The following LRRC61 variants were observed in gnomAD, a reference collection of about 807,000 sequenced individuals.
LRRC61 encodes leucine-rich repeat-containing protein 61.
A neutral mutation model predicts 15.1 loss-of-function variants in LRRC61; 9 were observed. The ratio of observed to expected loss-of-function variants is 0.60; its 90% CI spans 0.36 to 1.04. The LOEUF is 1.04. Ranked by LOEUF, LRRC61 falls within the 50% of genes least tolerant of loss-of-function variation. LRRC61 has a pLI of 0.01. For synonymous variants in LRRC61, 173 were observed against 158.6 expected, an observed-to-expected ratio of 1.09 and a Z score of -0.68; for missense variants, 344 against 335.6, an observed-to-expected ratio of 1.03 and a Z score of -0.20.
the LRRC61 span, among the ~76,000 whole-genome samples, chr7:150,315,169 GTGA>G: frequency 6.7e-6 from 1 of 148,890 alleles, no homozygotes; most frequent in Non-Finnish European, 1.5e-5. Flanking sequence ...ATACATACAA[GTGA>G]TGAAGTAGGC....
chr7:150,337,729 A>G lies in LRRC61; in HGVS notation c.*88A>G. 7.4e-7 allele frequency: 1 copy of G among 1,355,830 alleles called. No individual in the cohort carries two copies. Among genetic ancestry groups the G allele is most frequent in the South Asian group, 1.5e-5 (1 of 67,762 alleles). 84.0% of individuals were successfully genotyped at this position (1,355,830 alleles called of 1,614,324 possible). ...CCCCCACACTCGTCTTAGTTGCTTC[A>G]CACTGGTCACTGGCCCTGCACACTG... On this transcript the variant is annotated 3_prime_UTR_variant, in exon 3 of 3. Transcript: ENST00000359623.
At chr7:150,334,044 G>C (rs13234482) in intron 2 of LRRC61, 1 of 985,248 alleles carries the variant, frequency 1.0e-6, no homozygotes, top group Non-Finnish European at 1.2e-6. Flanking sequence ...TTTCTGTCCC[G>C]GTGGGGTCTT....
chr7:150,337,165 C>G lies in LRRC61; in HGVS notation c.304C>G (p.Leu102Val). Residue 102 changes from leucine to valine, a missense_variant, in exon 3 of 3, where the codon CTC (leucine) becomes GTC (valine). Coordinates refer to ENST00000359623, the MANE Select transcript of LRRC61 (RefSeq NM_001142928.2). ...PLATCENLQS[L>V]NAAGNLLATP... ...GGCCACCTGTGAGAACTTGCAGAGT[C>G]TCAATGCCGCAGGCAACCTACTGGC... The G allele has an allele frequency of 6.2e-7, 1 of 1,610,126 alleles. No homozygotes were observed. The highest frequency in any genetic ancestry group is 1.1e-5 in the South Asian group (1 of 91,084).
At chr7:150,334,111 C>T in intron 2 of LRRC61, 1 of 985,294 alleles carries the variant, frequency 1.0e-6, no homozygotes, top group Non-Finnish European at 1.2e-6. Flanking sequence ...GCACAGTTGC[C>T]TGCCTCTGTC....
rs58391879 is a variant in LRRC61 at position 150,335,030 on chromosome 7, CAAA to C, written c.-144-1672_-144-1670del. Among the ~76,000 whole-genome samples the C allele has an allele frequency of 5.9e-5, 6 of 102,326 alleles. No individual in the cohort carries two copies. The highest frequency in any genetic ancestry group is 1.1e-4 in the Admixed American group (1 of 8,786). 67.1% of individuals were successfully genotyped at this position (102,326 alleles called of 152,430 possible). A position where few individuals can be genotyped will look rare whatever the true frequency, so the allele number is the denominator to read the frequency against. Reference sequence around the variant, plus strand: ...GGGCAACAAGAGTGAAACTCTGTCTCAAAAAAAAAAAAAAAAAAGAAAAAAAGG... The same window carrying C: ...GGGCAACAAGAGTGAAACTCTGTCTCAAAAAAAAAAAAAAAGAAAAAAAGG... On this transcript the variant is annotated intron_variant, in intron 2 of 2. Coordinates refer to ENST00000359623, the MANE Select transcript of LRRC61 (RefSeq NM_001142928.2). The surrounding 1 kb of genome is among the most constrained non-coding windows in gnomAD (Gnocchi z 4.3).
chr7:150,312,653 GACTA>G, the LRRC61 span, among the ~76,000 whole-genome samples: 1 of 152,114 alleles, frequency 6.6e-6, no homozygotes, highest in African/African-American at 2.4e-5. Context: ...AAACTTACTA[GACTA>G]ACTCATTATA....
At position 150,337,494 on chromosome 7, in the gene LRRC61, G is replaced by A. The variant is rs749090035; in HGVS notation, c.633G>A (p.Arg211=). The A allele has an allele frequency of 5.6e-6, 9 of 1,602,710 alleles. No homozygotes were observed. The African/African-American group carries it at 1.2e-4, about 21-fold the overall frequency. ...GCTACTGGGAGTCCTGGCCCAGCCGGAGCAGCTCCATCCTGGAGGAGGCCT... is the reference window on the plus strand; with the variant it reads ...GCTACTGGGAGTCCTGGCCCAGCCGAAGCAGCTCCATCCTGGAGGAGGCCT... The part of the protein sequence containing the change: ...EPGYWESWPS[R]SSSILEEACR... The change falls in exon 3 of 3, where the codon CGG becomes CGA. Residue 211 remains arginine, a synonymous_variant. Coordinates refer to ENST00000359623, the MANE Select transcript of LRRC61 (RefSeq NM_001142928.2).
chr7:150,316,832 G>A, the LRRC61 span, among the ~76,000 whole-genome samples: 6 of 152,080 alleles, frequency 3.9e-5, no homozygotes, highest in African/African-American at 1.4e-4. Context: ...CTGGGATTAC[G>A]TTAAACTGGT....
intron 2 of LRRC61, chr7:150,332,083 G>A (rs12671192): frequency 0.041 from 6,851 of 167,198 alleles, 286 homozygotes; most frequent in East Asian, 0.13. Flanking sequence ...GCGGCTGGCT[G>A]CACACCCTGC....
the LRRC61 span, among the ~76,000 whole-genome samples, chr7:150,314,420 C>T: frequency 1.5e-4 from 23 of 151,956 alleles, no homozygotes; most frequent in African/African-American, 5.6e-4. Context: ...GAGAGTGATC[C>T]GCCTCTACCT....
At chr7:150,326,280 G>A (rs1797961772) in intron 2 of LRRC61, among the ~76,000 whole-genome samples, 1 of 152,226 alleles carries the variant, frequency 6.6e-6, no homozygotes, top group Non-Finnish European at 1.5e-5. Flanking sequence ...TTAAATGATT[G>A]AGTGAATCAA....
Position 150,333,430 on chromosome 7 carries a change from C to T in LRRC61, c.-144-3288C>T, listed in dbSNP as rs1271167097. 1.3e-5 allele frequency among the ~76,000 whole-genome samples: 2 copies of T among 152,254 alleles called. No individual in the cohort carries two copies. The highest frequency in any genetic ancestry group is 2.4e-5 in the African/African-American group (1 of 41,462). Reference sequence around the variant, plus strand: ...CAGGACGGCCTCCACAACCAAGGCTCAGCCTGCCCAGATGGCAGTAATGCC... The same window carrying T: ...CAGGACGGCCTCCACAACCAAGGCTTAGCCTGCCCAGATGGCAGTAATGCC... On this transcript the variant is annotated intron_variant, in intron 2 of 2. Transcript: ENST00000359623. This position sits in a 1 kb window ranked among gnomAD's most constrained non-coding sequence, Gnocchi z 4.3.
At chr7:150,315,309 T>C in the LRRC61 span, among the ~76,000 whole-genome samples, 1 of 151,986 alleles carries the variant, frequency 6.6e-6, no homozygotes, top group Non-Finnish European at 1.5e-5. Context: ...TAAAACATGA[T>C]TAAGGTGGAA....
chr7:150,317,719 T>G, the LRRC61 span, among the ~76,000 whole-genome samples: 1 of 152,212 alleles, frequency 6.6e-6, no homozygotes, highest in African/African-American at 2.4e-5. Flanking sequence ...GGTGGATATA[T>G]CTGATCATGC....
chr7:150,335,605 A>G lies in LRRC61; in HGVS notation c.-144-1113A>G, dbSNP rs527956886. Among the ~76,000 whole-genome samples the G allele has an allele frequency of 7.4e-4, 112 of 152,272 alleles. No individual in the cohort carries two copies. Among genetic ancestry groups the G allele is most frequent in the Non-Finnish European group, 1.3e-3 (91 of 68,020 alleles). On this transcript the variant is annotated intron_variant, in intron 2 of 2. Coordinates refer to ENST00000359623, the MANE Select transcript of LRRC61 (RefSeq NM_001142928.2). The surrounding 1 kb of genome is among the most constrained non-coding windows in gnomAD (Gnocchi z 4.3). ...TGGTTTCCTTGGAGAGGGGAAAATG[A>G]AAAGTGTTGATATGTAAACTCAGTC...
In LRRC61 at chr7:150,333,204, A is replaced by G. The variant is rs1798169884; in HGVS notation, c.-144-3514A>G. Among the ~76,000 whole-genome samples the G allele has an allele frequency of 6.6e-6, 1 of 152,194 alleles. No homozygotes were observed. Among genetic ancestry groups the G allele is most frequent in the Non-Finnish European group, 1.5e-5 (1 of 68,032 alleles). ...AAGATTGGGTGAGGATGAAAGGAAGAGGGTGAGAGAGCTTGATGGCACCGA... is the reference window on the plus strand; with the variant it reads ...AAGATTGGGTGAGGATGAAAGGAAGGGGGTGAGAGAGCTTGATGGCACCGA... On this transcript the variant is annotated intron_variant, in intron 2 of 2. Coordinates refer to ENST00000359623, the MANE Select transcript of LRRC61 (RefSeq NM_001142928.2). This position sits in a 1 kb window ranked among gnomAD's most constrained non-coding sequence, Gnocchi z 4.3.
Position 150,335,849 on chromosome 7 carries a change from A to G in LRRC61, c.-144-869A>G, listed in dbSNP as rs1185327918. ...GGCACCTGGACTCACCTGGTCCTGCAGCCCCTGGCAATTTGATGTGCCCCT... is the reference window on the plus strand; with the variant it reads ...GGCACCTGGACTCACCTGGTCCTGCGGCCCCTGGCAATTTGATGTGCCCCT... On this transcript the variant is annotated intron_variant, in intron 2 of 2. Coordinates refer to ENST00000359623, the MANE Select transcript of LRRC61 (RefSeq NM_001142928.2). This position sits in a 1 kb window ranked among gnomAD's most constrained non-coding sequence, Gnocchi z 4.3. 6.6e-6 allele frequency among the ~76,000 whole-genome samples: 1 copy of G among 152,228 alleles called. No homozygotes were observed. The highest frequency in any genetic ancestry group is 1.5e-5 in the Non-Finnish European group (1 of 68,030).
At chr7:150,328,883 GC>G (rs1455115087) in intron 2 of LRRC61, 1 of 152,214 alleles carries the variant, frequency 6.6e-6, no homozygotes, top group Non-Finnish European at 1.5e-5. Flanking sequence ...TGGATGGTAG[GC>G]CTAGCACAGT....
At chr7:150,312,663 T>C in the LRRC61 span, among the ~76,000 whole-genome samples, 1 of 152,200 alleles carries the variant, frequency 6.6e-6, no homozygotes. Flanking sequence ...GACTAACTCA[T>C]TATAAAATTT....
Sources: allele counts gnomAD v4.1 joint callset (sites outside exome capture counted in the v4.1 genomes callset), GRCh38; gene constraint gnomAD v4.1.1; non-coding constraint Gnocchi (gnomAD v3.1); transcripts MANE v1.5; gene names NCBI Gene and HGNC (gene_info 2026-07-23, HGNC 2026-07-21).